ASIC2: variants seen among roughly 807,000 people sequenced by gnomAD.
The protein encoded by ASIC2 is acid-sensing ion channel 2.
ASIC2 carries 25 observed loss-of-function variants against 57.3 expected under a neutral mutation model. That is an observed-to-expected ratio of 0.44 (90% confidence interval 0.32 to 0.61). The LOEUF is 0.61. Among genes scored for constraint, ASIC2 ranks in the 20% least tolerant of loss-of-function variants. The pLI, the probability that ASIC2 is intolerant of heterozygous loss-of-function variation, is 0.06. For missense variants in ASIC2, 641 were observed against 738.1 expected (o/e 0.87, Z 1.52); for synonymous variants, 319 against 307.5 (o/e 1.04, Z -0.39).
intron 1 of ASIC2, among the ~76,000 whole-genome samples, chr17:33,902,082 T>G (rs533906349): frequency 6.6e-6 from 1 of 152,110 alleles, no homozygotes; most frequent in Non-Finnish European, 1.5e-5. Flanking sequence ...TCAATGCGCT[T>G]GTATGAGACC....
chr17:34,080,807 A>C (rs548473275), intron 1 of ASIC2: 18 of 152,372 alleles, frequency 1.2e-4, no homozygotes, highest in African/African-American at 4.3e-4. Context: ...AGCAGCAAGG[A>C]AAGGTCCAAT....
At chr17:33,425,358 ATCTT>A (rs1911181757) in intron 1 of ASIC2, among the ~76,000 whole-genome samples, 1 of 152,260 alleles carries the variant, frequency 6.6e-6, no homozygotes, top group Admixed American at 6.5e-5. Context: ...AAAGCCAGTG[ATCTT>A]TCTATCGTGG....
At chr17:33,342,706 G>T (rs1907773479) in intron 1 of ASIC2, among the ~76,000 whole-genome samples, 1 of 152,152 alleles carries the variant, frequency 6.6e-6, no homozygotes, top group African/African-American at 2.4e-5. Flanking sequence ...CTTCCTTGAT[G>T]CATGCAGCCT....
intron 1 of ASIC2, among the ~76,000 whole-genome samples, chr17:33,517,711 AG>A (rs905531567): frequency 8.6e-5 from 4 of 46,298 alleles, no homozygotes; most frequent in African/African-American, 3.4e-4. Flanking sequence ...GGGTTGGGGG[AG>A]GGGGGAGGGA....
chr17:33,432,154 C>A (rs1911442266), intron 1 of ASIC2, among the ~76,000 whole-genome samples: 1 of 152,190 alleles, frequency 6.6e-6, no homozygotes, highest in African/African-American at 2.4e-5. Flanking sequence ...TCTGCCACCC[C>A]TGAGACAGCA....
At chr17:33,259,966 T>A (rs1230023674) in intron 1 of ASIC2, among the ~76,000 whole-genome samples, 2 of 152,144 alleles carry the variant, frequency 1.3e-5, no homozygotes, top group Non-Finnish European at 2.9e-5. Flanking sequence ...TGGGACGCTC[T>A]ATATTAAAGA....
At chr17:33,308,776 CCAA>C (rs1277243658) in intron 1 of ASIC2, among the ~76,000 whole-genome samples, 3 of 152,240 alleles carry the variant, frequency 2.0e-5, no homozygotes, top group Non-Finnish European at 4.4e-5. Flanking sequence ...TGCCTACATA[CCAA>C]CAACATTATG....
At chr17:33,106,270 C>A (rs1194121424) in intron 2 of ASIC2, among the ~76,000 whole-genome samples, 1 of 151,988 alleles carries the variant, frequency 6.6e-6, no homozygotes, top group African/African-American at 2.4e-5. Flanking sequence ...ATCTTTACCC[C>A]GAGAACAGCA....
intron 1 of ASIC2, among the ~76,000 whole-genome samples, chr17:33,878,097 A>C (rs1914599549): frequency 6.6e-6 from 1 of 152,150 alleles, no homozygotes; most frequent in Non-Finnish European, 1.5e-5. Context: ...CCACACCAAA[A>C]CCCCATCTGT....
At chr17:33,242,040 C>A (rs960609232) in intron 1 of ASIC2, among the ~76,000 whole-genome samples, 3 of 152,172 alleles carry the variant, frequency 2.0e-5, no homozygotes, top group Admixed American at 1.3e-4. Context: ...TTATTCTGGC[C>A]AGGTGCAGTG....
chr17:33,688,258 T>C (rs1908256221), intron 1 of ASIC2, among the ~76,000 whole-genome samples: 1 of 152,192 alleles, frequency 6.6e-6, no homozygotes, highest in African/African-American at 2.4e-5. Context: ...TGTGTTTAGA[T>C]TAAAGATCCT....
intron 1 of ASIC2, among the ~76,000 whole-genome samples, chr17:33,895,622 A>G (rs1386502376): frequency 6.6e-6 from 1 of 152,214 alleles, no homozygotes; most frequent in Non-Finnish European, 1.5e-5. Flanking sequence ...TGCCTAGTTT[A>G]CTTGGAGCCA....
chr17:33,418,126 C>T (rs1367511473), intron 1 of ASIC2, among the ~76,000 whole-genome samples: 1 of 149,942 alleles, frequency 6.7e-6, no homozygotes, highest in East Asian at 2.0e-4. Context: ...ACTCATTCAG[C>T]TGTGAAAAGA....
intron 1 of ASIC2, among the ~76,000 whole-genome samples, chr17:33,606,617 G>C (rs1398030285): frequency 6.6e-6 from 1 of 152,158 alleles, no homozygotes; most frequent in African/African-American, 2.4e-5. Flanking sequence ...CTACACTGTT[G>C]AGGGCATGGC....
intron 3 of ASIC2, among the ~76,000 whole-genome samples, chr17:33,060,660 A>T (rs1428674304): frequency 6.6e-6 from 1 of 152,154 alleles, no homozygotes; most frequent in Non-Finnish European, 1.5e-5. Flanking sequence ...TTTTGGTTCC[A>T]TATGAACTTT....
At chr17:33,222,193 C>A (rs1481507389) in intron 1 of ASIC2, among the ~76,000 whole-genome samples, 1 of 152,072 alleles carries the variant, frequency 6.6e-6, no homozygotes. Flanking sequence ...AGCAACAAAA[C>A]TGATGAATAG....
intron 1 of ASIC2, among the ~76,000 whole-genome samples, chr17:33,892,373 A>G (rs1182000300): frequency 1.3e-5 from 2 of 152,088 alleles, no homozygotes; most frequent in Non-Finnish European, 2.9e-5. Context: ...GGGAATAAGG[A>G]TCCCAGACAG....
intron 1 of ASIC2, among the ~76,000 whole-genome samples, chr17:34,034,917 C>A (rs1317305835): frequency 1.3e-5 from 2 of 152,050 alleles, no homozygotes; most frequent in Non-Finnish European, 2.9e-5. Flanking sequence ...GAATCAATAT[C>A]ATGAAAATGG....
Position 34,111,303 on chromosome 17 carries a change from G to GTATA in ASIC2, c.555+44671_555+44674dup, listed in dbSNP as rs556628922. On this transcript the variant is annotated intron_variant, in intron 1 of 9. Transcript: ENST00000359872. ...ATATTATATAATTATATAATATAAT[G>GTATA]TATATATATTATATTATATTATGTT... is the stretch of plus-strand genomic sequence containing the variant. Among the ~76,000 whole-genome samples the GTATA allele has an allele frequency of 7.3e-3, 1,083 of 147,488 alleles. 11 individuals carry two copies. The highest frequency in any genetic ancestry group is 0.025 in the African/African-American group (1,001 of 40,540).
Sources: gnomAD v4.1 joint callset for allele counts (sites outside exome capture counted in the v4.1 genomes callset) on GRCh38, gnomAD v4.1.1 for gene constraint, MANE v1.5 for transcripts, NCBI Gene and HGNC (gene_info 2026-07-23, HGNC 2026-07-21) for gene names.